The following NT5DC3 variants were observed in gnomAD, a reference collection of about 807,000 sequenced individuals.
NT5DC3 encodes the protein 5'-nucleotidase domain containing 3, also known as 5'-nucleotidase domain-containing protein 3.
NT5DC3 carries 42 observed loss-of-function variants against 67.8 expected under a neutral mutation model. The ratio of observed to expected loss-of-function variants is 0.62; its 90% confidence interval spans 0.48 to 0.80. The LOEUF (loss-of-function observed/expected upper bound fraction) is 0.80, where lower values mean the gene tolerates loss of function less well. Ranked by LOEUF, NT5DC3 falls within the 30% of genes least tolerant of loss-of-function variation. The pLI, the probability that NT5DC3 is intolerant of heterozygous loss-of-function variation, is 0.00. For synonymous variants in NT5DC3, 237 were observed against 255.6 expected, an observed-to-expected ratio of 0.93 and a Z score of 0.69; for missense variants, 570 against 696.4, an observed-to-expected ratio of 0.82 and a Z score of 2.04.
chr12:103,752,979 T>A, the NT5DC3 span, among the ~76,000 whole-genome samples: 17 of 152,314 alleles, frequency 1.1e-4, no homozygotes, highest in African/African-American at 4.1e-4. Context: ...GTAGGTGGTT[T>A]TTGCTTATGT....
intron 2 of NT5DC3, among the ~76,000 whole-genome samples, chr12:103,812,520 CT>C (rs1887078022): frequency 6.6e-6 from 1 of 151,962 alleles, no homozygotes; most frequent in Non-Finnish European, 1.5e-5. Context: ...TATTTCATCT[CT>C]CTTCCCCTCA....
chr12:103,801,372 C>CCTTT (rs1886567309), intron 4 of NT5DC3, among the ~76,000 whole-genome samples: 10 of 78,940 alleles, frequency 1.3e-4, no homozygotes, highest in African/African-American at 5.4e-4. Flanking sequence ...TTGGGGTGGG[C>CCTTT]TTTTTTTTTT....
chr12:103,783,969 A>G (rs1885663327), intron 12 of NT5DC3, among the ~76,000 whole-genome samples: 3 of 152,192 alleles, frequency 2.0e-5, no homozygotes, highest in African/African-American at 7.2e-5. Flanking sequence ...GCTCTGAAGC[A>G]TGGACTTGGG....
chr12:103,756,873 A>C, the NT5DC3 span, among the ~76,000 whole-genome samples: 1 of 151,880 alleles, frequency 6.6e-6, no homozygotes, highest in African/African-American at 2.4e-5. Context: ...CACCCACACT[A>C]ATCTTTCTGC....
chr12:103,805,893 AATACCATGGTGGGAAGGAGAACCCT>A (rs1254267431), intron 4 of NT5DC3, among the ~76,000 whole-genome samples: 2 of 150,950 alleles, frequency 1.3e-5, no homozygotes, highest in African/African-American at 4.9e-5. Context: ...AAACCACCCA[AATACCATGGTGGGAAGGAGAACCCT>A]ATACCCTCAC....
chr12:103,782,629 G>C (rs1157695054), intron 12 of NT5DC3, among the ~76,000 whole-genome samples: 4 of 152,186 alleles, frequency 2.6e-5, no homozygotes, highest in Non-Finnish European at 5.9e-5. Flanking sequence ...TTGGTTACCT[G>C]AGAAGCGGCT....
chr12:103,797,017 G>C lies in NT5DC3; in HGVS notation c.630C>G (p.Asn210Lys), dbSNP rs764506713. 1.9e-6 allele frequency: 3 copies of C among 1,614,028 alleles called. No homozygotes were observed. In the African/African-American group the frequency reaches 4.0e-5, roughly 22 times the overall value. The stretch of plus-strand genomic sequence containing the variant: ...AGATGTCCATGAACTGCTTCATCGT[G>C]TTTCCATGAGAGCTCTGCAGACAGG... Reference protein sequence around the residue: ...SDFYGKSSHGNTMKQFMDIFS... With the variant: ...SDFYGKSSHGKTMKQFMDIFS... The change falls in exon 6 of 14, where the codon AAC becomes AAG. Residue 210 changes from asparagine (N) to lysine (K), a missense_variant. By Grantham distance (94) the Asn-to-Lys change is moderately conservative (BLOSUM62 0). Coordinates refer to ENST00000392876, the MANE Select transcript of NT5DC3 (RefSeq NM_001031701.3).
chr12:103,822,767 T>C lies in NT5DC3; in HGVS notation c.209-7646A>G, dbSNP rs535096230. Among the ~76,000 whole-genome samples, 4 of 152,350 alleles carry C rather than the reference T, an allele frequency of 2.6e-5. No homozygotes were observed. In the East Asian group the frequency reaches 5.8e-4, roughly 22 times the overall value. On this transcript the variant is annotated intron_variant, in intron 1 of 13. Transcript: ENST00000392876. ...CTTTCTAGAAAACAGCTTGGCAATATGTATCAAGAGTCTGTTAAAAATATT... is the reference window on the plus strand; with the variant it reads ...CTTTCTAGAAAACAGCTTGGCAATACGTATCAAGAGTCTGTTAAAAATATT...
intron 1 of NT5DC3, among the ~76,000 whole-genome samples, chr12:103,835,691 TCTCCAC>T (rs1888114659): frequency 6.6e-6 from 1 of 152,034 alleles, no homozygotes; most frequent in Non-Finnish European, 1.5e-5. Context: ...ACACTAAAAA[TCTCCAC>T]CTTAATCCCA....
At position 103,793,599 on chromosome 12, in the gene NT5DC3, C is replaced by G. The variant is rs972727295; in HGVS notation, c.815-87G>C. 6.5e-6 allele frequency: 6 copies of G among 926,418 alleles called. No individual in the cohort carries two copies. The African/African-American group carries it at 9.7e-5, about 15-fold the overall frequency. 57.4% of individuals were successfully genotyped at this position (926,418 alleles called of 1,614,324 possible). ...TTTCTAAATGGGGGTTTGGGTCCAG[C>G]ACTGTCCTAGGCACAGGAAAGGGAA... On this transcript the variant is annotated intron_variant, in intron 7 of 13. Coordinates refer to ENST00000392876, the MANE Select transcript of NT5DC3 (RefSeq NM_001031701.3).
At chr12:103,787,362 T>C in intron 11 of NT5DC3, 79 bp downstream of exon 11, 1 of 672,220 alleles carries the variant, frequency 1.5e-6, no homozygotes, top group Non-Finnish European at 2.4e-6. Flanking sequence ...AAAAGGTACA[T>C]CCTTAAATAA....
intron 12 of NT5DC3, among the ~76,000 whole-genome samples, chr12:103,784,850 G>A (rs1290574451): frequency 6.6e-6 from 1 of 152,200 alleles, no homozygotes; most frequent in Non-Finnish European, 1.5e-5. Flanking sequence ...CAAACTGCAG[G>A]TATTATCCTC....
At chr12:103,790,694 CTT>C (rs67812943) in intron 9 of NT5DC3, among the ~76,000 whole-genome samples, 12,402 of 73,232 alleles carry the variant, frequency 0.17, 463 homozygotes, top group Middle Eastern at 0.38. Context: ...CCAAGTACAT[CTT>C]TTTTTTTTTT....
chr12:103,813,247 G>A (rs1391213260), intron 2 of NT5DC3, among the ~76,000 whole-genome samples: 1 of 152,248 alleles, frequency 6.6e-6, no homozygotes, highest in Non-Finnish European at 1.5e-5. Flanking sequence ...TGGCAGGCAG[G>A]AACCAAGGTC....
At chr12:103,793,316 G>T in intron 8 of NT5DC3, 51 bp from the exon 9 acceptor site, 1 of 1,548,346 alleles carries the variant, frequency 6.5e-7, no homozygotes, top group Non-Finnish European at 8.9e-7. Context: ...GATTAACTGT[G>T]TCTGTAACTT....
chr12:103,789,274 A>G (rs544139932), intron 9 of NT5DC3, among the ~76,000 whole-genome samples: 26 of 152,266 alleles, frequency 1.7e-4, no homozygotes, highest in African/African-American at 6.3e-4. Context: ...AAATACAAAA[A>G]TTAGCTGAGC....
downstream of NT5DC3, chr12:103,766,123 C>A: frequency 1.0e-6 from 1 of 954,770 alleles, no homozygotes; most frequent in Non-Finnish European, 1.7e-6. Context: ...CCCAGCCCAT[C>A]CTGCCTCCCA....
At chr12:103,810,915 T>C (rs906585254) in intron 2 of NT5DC3, among the ~76,000 whole-genome samples, 4 of 152,188 alleles carry the variant, frequency 2.6e-5, no homozygotes, top group Non-Finnish European at 5.9e-5. Context: ...ATATTTAAAG[T>C]AGCCTAAATT....
At chr12:103,814,055 A>T (rs1172654011) in intron 2 of NT5DC3, among the ~76,000 whole-genome samples, 3 of 151,906 alleles carry the variant, frequency 2.0e-5, no homozygotes, top group Non-Finnish European at 4.4e-5. Context: ...GTCTAAGGAG[A>T]CCTCCACTAG....
Sources: gnomAD v4.1 joint callset for allele counts (sites outside exome capture counted in the v4.1 genomes callset) on GRCh38, gnomAD v4.1.1 for gene constraint, MANE v1.5 for transcripts, NCBI Gene and HGNC (gene_info 2026-07-23, HGNC 2026-07-21) for gene names.